GFRA2: variants seen among roughly 807,000 people sequenced by gnomAD.
GFRA2 encodes the protein GDNF family receptor alpha-2.
In GFRA2, 17 loss-of-function variants were observed where a neutral mutation model predicts 48.3. The observed-to-expected ratio is 0.35, with a 90% CI of 0.24 to 0.53. GFRA2 has a LOEUF of 0.53. Ranked by LOEUF, GFRA2 falls within the 20% of genes least tolerant of loss-of-function variation. GFRA2 has a pLI of 0.93. For missense variants in GFRA2, 660 were observed against 637.3 expected (o/e 1.04, Z -0.38); for synonymous variants, 305 against 257.2 (o/e 1.19, Z -1.78).
At chr8:21,802,505 C>T (rs1282330510) in intron 2 of GFRA2, among the ~76,000 whole-genome samples, 1 of 152,172 alleles carries the variant, frequency 6.6e-6, no homozygotes, top group Non-Finnish European at 1.5e-5. Flanking sequence ...CAGATGTGCA[C>T]CACCATGTCC....
chr8:21,793,657 G>T (rs942314943), upstream of GFRA2, among the ~76,000 whole-genome samples: 23 of 152,114 alleles, frequency 1.5e-4, no homozygotes, highest in Admixed American at 3.9e-4. Context: ...ACTGCCCAAG[G>T]TCATATTTTA....
chr8:21,774,184 C>T (rs1252486665), intron 3 of GFRA2, among the ~76,000 whole-genome samples: 1 of 147,084 alleles, frequency 6.8e-6, no homozygotes, highest in South Asian at 2.1e-4. Flanking sequence ...AAGACCAGAA[C>T]CCCCTCCCCA....
chr8:21,719,848 C>T (rs967146619), intron 4 of GFRA2, among the ~76,000 whole-genome samples: 1 of 152,248 alleles, frequency 6.6e-6, no homozygotes, highest in East Asian at 1.9e-4. Flanking sequence ...GGTGCCCCTG[C>T]AGTGGTCACT....
chr8:21,721,901 G>C (rs1288083463), intron 4 of GFRA2, among the ~76,000 whole-genome samples: 1 of 152,142 alleles, frequency 6.6e-6, no homozygotes, highest in African/African-American at 2.4e-5. Flanking sequence ...GGGGCATTGG[G>C]CCCTCCATTC....
In GFRA2 at chr8:21,736,159, G is replaced by A. The variant is rs529200205; in HGVS notation, c.794+14429C>T. Among the ~76,000 whole-genome samples, 3 of 152,324 alleles carry A rather than the reference G, an allele frequency of 2.0e-5. No homozygotes were observed. The East Asian group carries it at 5.8e-4, about 29-fold the overall frequency. On this transcript the variant is annotated intron_variant, in intron 4 of 8. Transcript: ENST00000524240. ...CATGGCTGTTCCCTACCATCTGGCA[G>A]GCTCAGGTCCAGACACGCATTTCTT...
At chr8:21,706,890 C>A (rs984141400) in intron 4 of GFRA2, among the ~76,000 whole-genome samples, 13 of 152,212 alleles carry the variant, frequency 8.5e-5, no homozygotes, top group African/African-American at 3.1e-4. Flanking sequence ...GAATCCAAGT[C>A]TAATATGCAT....
chr8:21,780,366 T>C (rs1806921293), intron 2 of GFRA2, among the ~76,000 whole-genome samples: 1 of 152,062 alleles, frequency 6.6e-6, no homozygotes, highest in Non-Finnish European at 1.5e-5. Flanking sequence ...TTGAGGGTCC[T>C]CTCCTCTGGG....
chr8:21,734,608 G>C (rs1283023709), intron 4 of GFRA2, among the ~76,000 whole-genome samples: 1 of 152,214 alleles, frequency 6.6e-6, no homozygotes, highest in East Asian at 1.9e-4. Context: ...TGGGACCCAG[G>C]TTTTTGACTC....
intron 2 of GFRA2, among the ~76,000 whole-genome samples, chr8:21,781,464 C>T (rs991338669): frequency 3.3e-5 from 5 of 152,148 alleles, no homozygotes; most frequent in African/African-American, 1.2e-4. Context: ...TGCCTCCCTT[C>T]ACCTATGTTC....
intron 3 of GFRA2, among the ~76,000 whole-genome samples, chr8:21,770,608 A>G (rs2117689333): frequency 6.6e-6 from 1 of 152,272 alleles, no homozygotes; most frequent in South Asian, 2.1e-4. Context: ...CCAAGCCTCT[A>G]GCCACACTTG....
chr8:21,807,107 C>G (rs1364308507), intron 1 of GFRA2, among the ~76,000 whole-genome samples: 1 of 152,186 alleles, frequency 6.6e-6, no homozygotes, highest in Non-Finnish European at 1.5e-5. Flanking sequence ...TTGGTTTGCT[C>G]AGGCTGCTGC....
chr8:21,782,969 G>T, intron 1 of GFRA2, 70 bp from the exon 2 acceptor site: 1 of 1,411,292 alleles, frequency 7.1e-7, no homozygotes, highest in East Asian at 2.5e-5. Context: ...ATGCAGGCCT[G>T]GGGGCTTGGG....
intron 4 of GFRA2, among the ~76,000 whole-genome samples, chr8:21,726,149 A>G (rs1337527637): frequency 6.6e-6 from 1 of 152,188 alleles, no homozygotes; most frequent in Non-Finnish European, 1.5e-5. Context: ...ACTCCACCCC[A>G]CCGTCTCCAA....
At chr8:21,696,978 G>A (rs902385159) in intron 7 of GFRA2, among the ~76,000 whole-genome samples, 3 of 137,222 alleles carry the variant, frequency 2.2e-5, no homozygotes, top group Non-Finnish European at 3.2e-5. Flanking sequence ...AGGGACAAAG[G>A]AGAGGGCAGG....
chr8:21,811,113 G>GA (rs1807972372), intron 1 of GFRA2, among the ~76,000 whole-genome samples: 1 of 152,210 alleles, frequency 6.6e-6, no homozygotes, highest in African/African-American at 2.4e-5. Flanking sequence ...AGCCTGCAGA[G>GA]AACAAGGGCC....
At chr8:21,701,048 AGG>A (rs1802448445) in intron 7 of GFRA2, among the ~76,000 whole-genome samples, 1 of 152,190 alleles carries the variant, frequency 6.6e-6, no homozygotes, top group Non-Finnish European at 1.5e-5. Flanking sequence ...GGCAGGGGCG[AGG>A]GCTTATTCAC....
chr8:21,698,459 C>T (rs150679399), intron 7 of GFRA2, among the ~76,000 whole-genome samples: 243 of 152,314 alleles, frequency 1.6e-3, no homozygotes, highest in African/African-American at 5.6e-3. Flanking sequence ...TGCCTACCCC[C>T]GAAGCGCAGG....
At chr8:21,779,333 C>T (rs1806859588) in intron 2 of GFRA2, among the ~76,000 whole-genome samples, 2 of 152,232 alleles carry the variant, frequency 1.3e-5, no homozygotes, top group Non-Finnish European at 2.9e-5. Flanking sequence ...CCCATCAGCA[C>T]AGTCCTCCCG....
At chr8:21,771,263 G>A (rs1426387144) in intron 3 of GFRA2, among the ~76,000 whole-genome samples, 4 of 152,180 alleles carry the variant, frequency 2.6e-5, no homozygotes, top group South Asian at 2.1e-4. Context: ...CTCAAGGCCC[G>A]TGCTCTTCCA....
Sources: gnomAD v4.1 joint callset for allele counts (sites outside exome capture counted in the v4.1 genomes callset) on GRCh38, gnomAD v4.1.1 for gene constraint, MANE v1.5 for transcripts, NCBI Gene and HGNC (gene_info 2026-07-23, HGNC 2026-07-21) for gene names.